MCC: variants seen among roughly 807,000 people sequenced by gnomAD.
The protein encoded by MCC is colorectal mutant cancer protein.
A neutral mutation model predicts 116.2 loss-of-function variants in MCC; 90 were observed. That is an observed-to-expected ratio of 0.77 (90% CI 0.65 to 0.92). The LOEUF is 0.92. Among genes scored for constraint, MCC ranks in the 40% least tolerant of loss-of-function variants. MCC has a pLI of 0.00. For synonymous variants in MCC, 578 were observed against 510.5 expected, an observed-to-expected ratio of 1.13 and a Z score of -1.78; for missense variants, 1,516 against 1,312.2, an observed-to-expected ratio of 1.16 and a Z score of -2.40.
intron 1 of MCC, among the ~76,000 whole-genome samples, chr5:113,473,855 C>T (rs1164577642): frequency 6.6e-6 from 1 of 152,176 alleles, no homozygotes; most frequent in Non-Finnish European, 1.5e-5. Context: ...TAAGAATATG[C>T]TACCACTAAA....
chr5:113,040,806 A>G (rs1751656814), intron 17 of MCC, among the ~76,000 whole-genome samples: 2 of 152,176 alleles, frequency 1.3e-5, no homozygotes, highest in Admixed American at 1.3e-4. Flanking sequence ...ATGCTAACCA[A>G]CTTAAGGCTG....
intron 3 of MCC, among the ~76,000 whole-genome samples, chr5:113,319,445 C>A (rs13361060): frequency 0.089 from 13,574 of 152,196 alleles, 1,424 homozygotes; most frequent in African/African-American, 0.26. Context: ...CTATTTGATG[C>A]CATGTGGTGT....
At chr5:113,313,800 C>T (rs992038522) in intron 3 of MCC, among the ~76,000 whole-genome samples, 2 of 150,402 alleles carry the variant, frequency 1.3e-5, no homozygotes, top group African/African-American at 5.0e-5. Context: ...CTCTCTCTGT[C>T]TGTTTTTTGT....
intron 3 of MCC, among the ~76,000 whole-genome samples, chr5:113,310,188 G>A (rs1361785615): frequency 2.6e-5 from 4 of 152,194 alleles, no homozygotes; most frequent in African/African-American, 9.7e-5. Flanking sequence ...TAAGAGGTGT[G>A]GCCTTTGGGA....
Position 113,084,130 on chromosome 5 carries a change from C to T in MCC, c.1606G>A (p.Val536Ile), listed in dbSNP as rs1285439419. Residue 536 changes from valine (V) to isoleucine (I), a missense_variant, in exon 10 of 19, where the codon GTC becomes ATC. Transcript: ENST00000408903. ...ATGCTACTGATTTCTGAGCCCAGGA[C>T]TGGCCGATCAGATGATGACGATTCG... ...RSESSSSDRP[V>I]LGSEISSIGV... The T allele has an allele frequency of 1.9e-6, 3 of 1,614,074 alleles. No homozygotes were observed. Among genetic ancestry groups the T allele is most frequent in the Admixed American group, 3.3e-5 (2 of 60,008 alleles).
intron 1 of MCC, among the ~76,000 whole-genome samples, chr5:113,410,788 G>A (rs191935314): frequency 2.6e-5 from 4 of 152,216 alleles, no homozygotes; most frequent in Admixed American, 2.0e-4. Flanking sequence ...CCTGGTGTGC[G>A]ATGTTCCCTG....
intron 3 of MCC, among the ~76,000 whole-genome samples, chr5:113,300,104 G>T (rs957814240): frequency 8.5e-5 from 13 of 152,230 alleles, no homozygotes; most frequent in African/African-American, 1.2e-4. Flanking sequence ...GCCGACTTCA[G>T]TGAATCTCTA....
intron 8 of MCC, among the ~76,000 whole-genome samples, chr5:113,100,409 T>C (rs1756323180): frequency 6.7e-6 from 1 of 149,538 alleles, no homozygotes; most frequent in East Asian, 2.0e-4. Flanking sequence ...TTTTTATGGC[T>C]AAGGGAGCAA....
intron 2 of MCC, among the ~76,000 whole-genome samples, chr5:113,350,487 A>G (rs1365730011): frequency 6.6e-6 from 1 of 152,150 alleles, no homozygotes; most frequent in African/African-American, 2.4e-5. Flanking sequence ...CTGGTATCTT[A>G]TTCAGAAGAA....
At chr5:113,478,187 A>G (rs1006581990) in intron 1 of MCC, among the ~76,000 whole-genome samples, 1 of 152,206 alleles carries the variant, frequency 6.6e-6, no homozygotes, top group Admixed American at 6.5e-5. Flanking sequence ...GCTCTGATCC[A>G]GGGCTCTTTC....
rs763097374 is a variant in MCC, at chr5:113,434,707, G to A, written c.171-49495C>T. 1.1e-5 allele frequency: 18 copies of A among 1,614,028 alleles called. No individual in the cohort carries two copies. Among genetic ancestry groups the A allele is most frequent in the Middle Eastern group, 1.6e-4 (1 of 6,062 alleles). On this transcript the variant is annotated intron_variant, in intron 1 of 18. Coordinates refer to ENST00000408903, the MANE Select transcript of MCC (RefSeq NM_001085377.2). The surrounding 1 kb of genome is among the most constrained non-coding windows in gnomAD (Gnocchi z 4.2). Reference sequence around the variant, plus strand: ...AAGAAGTCTGCGGGGGCCTTCTTGCGGTCGATGATCTTGATCGCCACATTG... The same window carrying A: ...AAGAAGTCTGCGGGGGCCTTCTTGCAGTCGATGATCTTGATCGCCACATTG...
chr5:113,289,387 C>G (rs1169146514), intron 3 of MCC, among the ~76,000 whole-genome samples: 3 of 151,700 alleles, frequency 2.0e-5, no homozygotes, highest in Non-Finnish European at 4.4e-5. Context: ...GGACAAGGCT[C>G]TGTCATTTTG....
At chr5:113,402,313 A>AT (rs140842473) in intron 1 of MCC, among the ~76,000 whole-genome samples, 23,940 of 143,058 alleles carry the variant, frequency 0.17, 2,238 homozygotes, top group Non-Finnish European at 0.22. Flanking sequence ...AAAAAAAAAC[A>AT]CACTCAGCTA....
intron 3 of MCC, among the ~76,000 whole-genome samples, chr5:113,247,729 T>C (rs942393148): frequency 2.0e-5 from 3 of 151,838 alleles, no homozygotes; most frequent in Admixed American, 1.3e-4. Context: ...GAAAAGTAAA[T>C]GGGATTTGGC....
intron 3 of MCC, among the ~76,000 whole-genome samples, chr5:113,316,706 C>T (rs1478778203): frequency 1.3e-5 from 2 of 152,154 alleles, no homozygotes; most frequent in Non-Finnish European, 2.9e-5. Context: ...ACCTGATGCC[C>T]AGCTCTGAAC....
intron 3 of MCC, among the ~76,000 whole-genome samples, chr5:113,338,141 C>T (rs546138609): frequency 7.4e-4 from 113 of 152,306 alleles, no homozygotes; most frequent in Middle Eastern, 3.4e-3. Flanking sequence ...TTTTACTTTT[C>T]CATTTGGTGA....
chr5:113,487,979 C>A (rs1189861222), intron 1 of MCC, among the ~76,000 whole-genome samples: 1 of 152,148 alleles, frequency 6.6e-6, no homozygotes, highest in Non-Finnish European at 1.5e-5. Flanking sequence ...CGGAAGAGTG[C>A]GCATCCTAAG....
intron 1 of MCC, among the ~76,000 whole-genome samples, chr5:113,391,000 A>G (rs1174004135): frequency 6.6e-6 from 1 of 152,214 alleles, no homozygotes; most frequent in Non-Finnish European, 1.5e-5. Context: ...AGGTCATAAA[A>G]AGTAACAGGT....
At chr5:113,191,027 G>A (rs1044155336) in intron 3 of MCC, among the ~76,000 whole-genome samples, 1 of 152,190 alleles carries the variant, frequency 6.6e-6, no homozygotes, top group South Asian at 2.1e-4. Context: ...GGCTGGAAGG[G>A]CCCATCCTCT....
Sources: allele counts gnomAD v4.1 joint callset (sites outside exome capture counted in the v4.1 genomes callset), GRCh38; gene constraint gnomAD v4.1.1; non-coding constraint Gnocchi (gnomAD v3.1); transcripts MANE v1.5; gene names NCBI Gene and HGNC (gene_info 2026-07-23, HGNC 2026-07-21).